Variants in RALGAPA1 observed in about 807,000 individuals in gnomAD.
RALGAPA1 encodes Ral GTPase activating protein catalytic subunit alpha 1, also known as ral GTPase-activating protein subunit alpha-1.
In RALGAPA1, 52 loss-of-function variants were observed where a neutral mutation model predicts 269.6. The ratio of observed to expected loss-of-function variants is 0.19; its 90% CI spans 0.15 to 0.24. The LOEUF (loss-of-function observed/expected upper bound fraction) is 0.24. RALGAPA1 is among the 10% of genes least tolerant of loss of function. The pLI is 1.00. For synonymous variants in RALGAPA1, 817 were observed against 1,008.3 expected, an observed-to-expected ratio of 0.81 and a Z score of 3.60; for missense variants, 1,917 against 3,013.9, an observed-to-expected ratio of 0.64 and a Z score of 8.52.
chr14:35,643,033 G>A lies in RALGAPA1; in HGVS notation c.5677-7435C>T, dbSNP rs555986138. On this transcript the variant is annotated intron_variant, in intron 31 of 41. Transcript: ENST00000680220. Reference sequence around the variant, plus strand: ...AAGGATGAGTTCATGTCCTTTGTAGGGACATGGATAAAGCTGGAAACCATC... The same window carrying A: ...AAGGATGAGTTCATGTCCTTTGTAGAGACATGGATAAAGCTGGAAACCATC... Among the ~76,000 whole-genome samples the A allele has an allele frequency of 2.7e-3, 404 of 152,210 alleles. 2 individuals are homozygous for A. Among genetic ancestry groups the A allele is most frequent in the African/African-American group, 9.4e-3 (392 of 41,510 alleles).
intron 12 of RALGAPA1, among the ~76,000 whole-genome samples, chr14:35,729,770 T>C (rs1453969133): frequency 6.6e-6 from 1 of 152,136 alleles, no homozygotes; most frequent in Non-Finnish European, 1.5e-5. Flanking sequence ...ACACTACCTG[T>C]AGTGAAAGAA....
chr14:35,622,475 G>C (rs1225468344), intron 35 of RALGAPA1, among the ~76,000 whole-genome samples: 1 of 152,116 alleles, frequency 6.6e-6, no homozygotes, highest in Admixed American at 6.5e-5. Flanking sequence ...TAACAAACCT[G>C]CACGTTGTGC....
At chr14:35,645,034 C>G (rs2062301819) in intron 31 of RALGAPA1, among the ~76,000 whole-genome samples, 1 of 152,148 alleles carries the variant, frequency 6.6e-6, no homozygotes, top group Non-Finnish European at 1.5e-5. Flanking sequence ...GTGGCTTAAA[C>G]AAGAGAAATT....
At position 35,625,344 on chromosome 14, in the gene RALGAPA1, A is replaced by T; in HGVS notation, c.6929+17T>A. ...CCTGAGAGTTGCTAGTTATGTGAAG[A>T]TTTTCCAACAACTTACCACTGCCTT... is the stretch of plus-strand genomic sequence containing the variant. On this transcript the variant is annotated intron_variant, in intron 35 of 41. Transcript: ENST00000680220. 1 of 1,585,436 alleles carries T rather than the reference A, an allele frequency of 6.3e-7. No individual in the cohort carries two copies. The highest frequency in any genetic ancestry group is 8.6e-7 in the Non-Finnish European group (1 of 1,161,790).
intron 33 of RALGAPA1, 39 bp from the exon 34 acceptor site, chr14:35,627,990 C>T: frequency 1.3e-6 from 2 of 1,516,296 alleles, no homozygotes; most frequent in South Asian, 1.3e-5. Context: ...AATATTGCTG[C>T]TTCCTAGGGA....
intron 17 of RALGAPA1, among the ~76,000 whole-genome samples, chr14:35,691,887 A>G (rs2066510993): frequency 6.6e-6 from 1 of 152,164 alleles, no homozygotes; most frequent in South Asian, 2.1e-4. Flanking sequence ...GGGAATGTGC[A>G]ACTTTAAAAA....
intron 31 of RALGAPA1, among the ~76,000 whole-genome samples, chr14:35,637,205 G>A (rs972353335): frequency 6.6e-6 from 1 of 152,062 alleles, no homozygotes; most frequent in African/African-American, 2.4e-5. Flanking sequence ...AGGAAAACAT[G>A]ACCTCACCAA....
In RALGAPA1 at chr14:35,808,765, G is replaced by A. The variant is rs758017348; in HGVS notation, c.71C>T (p.Ala24Val). 12 of 1,613,488 alleles carry A rather than the reference G, an allele frequency of 7.4e-6. No individual in the cohort carries two copies. In the South Asian group the frequency reaches 1.1e-4, roughly 15 times the overall value. ...TQKVLDTKKDALTRLKHLRIV... is the reference protein window; with the variant it reads ...TQKVLDTKKDVLTRLKHLRIV... ...GCGCAGGTGCTTGAGGCGAGTCAGTGCGTCCTTCTTGGTGTCTAGCACCTT... is the reference window on the plus strand; with the variant it reads ...GCGCAGGTGCTTGAGGCGAGTCAGTACGTCCTTCTTGGTGTCTAGCACCTT... Residue 24 changes from alanine (A) to valine (V), a missense_variant, in exon 1 of 42, where the codon GCA (alanine) becomes GTA (valine). Transcript: ENST00000680220.
At chr14:35,745,821 A>G (rs893773987) in intron 10 of RALGAPA1, among the ~76,000 whole-genome samples, 1 of 151,340 alleles carries the variant, frequency 6.6e-6, no homozygotes, top group Non-Finnish European at 1.5e-5. Context: ...ACAGTGGCTC[A>G]TGCCTTCAAT....
intron 1 of RALGAPA1, among the ~76,000 whole-genome samples, chr14:35,793,615 G>C (rs2076353931): frequency 6.9e-6 from 1 of 144,896 alleles, no homozygotes; most frequent in Non-Finnish European, 1.5e-5. Context: ...CACACACACA[G>C]TGAATTTAGA....
At chr14:35,658,124 C>T (rs1177909190) in intron 28 of RALGAPA1, among the ~76,000 whole-genome samples, 1 of 152,052 alleles carries the variant, frequency 6.6e-6, no homozygotes, top group East Asian at 1.9e-4. Context: ...CTCTCAAAAT[C>T]GTGATGAGAA....
Position 35,680,089 on chromosome 14 carries a change from T to C in RALGAPA1, c.4472-1987A>G, listed in dbSNP as rs139240180. On this transcript the variant is annotated intron_variant, in intron 21 of 41. Coordinates refer to ENST00000680220, the MANE Select transcript of RALGAPA1 (RefSeq NM_001346249.2). The stretch of plus-strand genomic sequence containing the variant: ...TTAATGTTTACCAAAAACTTTTAAG[T>C]ACATGCCAAAGAGACATCAGCCTTT... Among the ~76,000 whole-genome samples the C allele has an allele frequency of 3.0e-4, 45 of 152,348 alleles. 1 individual carries two copies. The East Asian group carries it at 7.3e-3, about 25-fold the overall frequency.
chr14:35,754,788 T>C (rs1271392738), intron 7 of RALGAPA1, among the ~76,000 whole-genome samples: 1 of 152,132 alleles, frequency 6.6e-6, no homozygotes, highest in African/African-American at 2.4e-5. Context: ...TTAGAGACCA[T>C]TCAAATAACC....
At chr14:35,746,299 G>A (rs2072091383) in intron 10 of RALGAPA1, among the ~76,000 whole-genome samples, 1 of 152,138 alleles carries the variant, frequency 6.6e-6, no homozygotes, top group Non-Finnish European at 1.5e-5. Flanking sequence ...CAAAGGTTCA[G>A]TTATGTGGGA....
intron 36 of RALGAPA1, among the ~76,000 whole-genome samples, chr14:35,600,848 T>C (rs1025296508): frequency 2.0e-5 from 3 of 152,224 alleles, no homozygotes; most frequent in African/African-American, 7.2e-5. Flanking sequence ...ATTTTGAGAT[T>C]TTCCTGGTTC....
At chr14:35,775,586 C>T (rs948608074) in intron 2 of RALGAPA1, 49 bp downstream of exon 2, 1 of 1,529,664 alleles carries the variant, frequency 6.5e-7, no homozygotes, top group Non-Finnish European at 8.7e-7. Context: ...ATGTTTATGA[C>T]AATTATTAGA....
chr14:35,756,203 C>T (rs1049500236), intron 7 of RALGAPA1: 5 of 152,204 alleles, frequency 3.3e-5, no homozygotes, highest in African/African-American at 1.2e-4. Context: ...AAAGAGTCTA[C>T]AAAATTGTCC....
rs375254339 is a variant in RALGAPA1, at chr14:35,585,640, G to A, written c.7209+9994C>T. 8.5e-5 allele frequency among the ~76,000 whole-genome samples: 13 copies of A among 152,244 alleles called. No homozygotes were observed. The East Asian group carries it at 1.5e-3, about 18-fold the overall frequency. On this transcript the variant is annotated intron_variant, in intron 37 of 41. Transcript: ENST00000680220. Reference sequence around the variant, plus strand: ...AATCTTTTTTTGTATAAGGTTTAAGGAAGGGATCCAGTTTCAGCTTTCTAC... The same window carrying A: ...AATCTTTTTTTGTATAAGGTTTAAGAAAGGGATCCAGTTTCAGCTTTCTAC...
At chr14:35,777,018 C>T (rs1464920908) in intron 1 of RALGAPA1, among the ~76,000 whole-genome samples, 2 of 152,142 alleles carry the variant, frequency 1.3e-5, no homozygotes, top group East Asian at 3.9e-4. Flanking sequence ...GCATAATCAG[C>T]AATCTGTCTC....
Sources: gnomAD v4.1 joint callset for allele counts (sites outside exome capture counted in the v4.1 genomes callset) on GRCh38, gnomAD v4.1.1 for gene constraint, MANE v1.5 for transcripts, NCBI Gene and HGNC (gene_info 2026-07-23, HGNC 2026-07-21) for gene names.